Variants in MECOM observed in about 807,000 individuals in gnomAD.
The protein encoded by MECOM is histone-lysine N-methyltransferase MECOM.
In MECOM, 13 loss-of-function variants were observed where a neutral mutation model predicts 116.3. That is an observed-to-expected ratio of 0.11 (90% CI 0.07 to 0.18). The LOEUF is 0.18. Among genes scored for constraint, MECOM ranks in the 10% least tolerant of loss-of-function variants. The probability of loss-of-function intolerance (pLI) is 1.00; values close to 1 mark genes in which losing one functional copy is unlikely to be tolerated. For missense variants in MECOM, 1,299 were observed against 1,509.0 expected, an observed-to-expected ratio of 0.86 and a Z score of 2.31; for synonymous variants, 528 against 535.2, an observed-to-expected ratio of 0.99 and a Z score of 0.19.
intron 1 of MECOM, among the ~76,000 whole-genome samples, chr3:169,491,921 T>A (rs1196658893): frequency 1.3e-5 from 2 of 152,220 alleles, no homozygotes. Context: ...TATAATTTCA[T>A]CTATTTTTGC....
chr3:169,281,239 A>G (rs778452815), intron 2 of MECOM, among the ~76,000 whole-genome samples: 1 of 152,192 alleles, frequency 6.6e-6, no homozygotes, highest in Non-Finnish European at 1.5e-5. Context: ...GGTAAATCAC[A>G]TTCACATTGC....
intron 2 of MECOM, among the ~76,000 whole-genome samples, chr3:169,300,575 A>G (rs769024686): frequency 9.9e-5 from 15 of 152,210 alleles, no homozygotes; most frequent in East Asian, 1.9e-4. Flanking sequence ...AAGTCTAATC[A>G]TGGTAGCACA....
chr3:169,643,327 T>G (rs1300727127), intron 1 of MECOM, among the ~76,000 whole-genome samples: 1 of 152,208 alleles, frequency 6.6e-6, no homozygotes, highest in Non-Finnish European at 1.5e-5. Context: ...TGGAAATATG[T>G]GAACCCCCAA....
chr3:169,155,213 G>A (rs1021577807), intron 2 of MECOM, among the ~76,000 whole-genome samples: 2 of 152,170 alleles, frequency 1.3e-5, no homozygotes, highest in African/African-American at 4.8e-5. Flanking sequence ...GGAATCAGTT[G>A]ATGCAGTGAT....
intron 6 of MECOM, among the ~76,000 whole-genome samples, chr3:169,122,129 G>A (rs1248539798): frequency 2.0e-5 from 3 of 152,158 alleles, no homozygotes; most frequent in Non-Finnish European, 4.4e-5. Context: ...ATAATTTATG[G>A]TGAGCCCTTG....
chr3:169,423,827 GT>G (rs1740186163), intron 1 of MECOM, among the ~76,000 whole-genome samples: 1 of 152,064 alleles, frequency 6.6e-6, no homozygotes, highest in Non-Finnish European at 1.5e-5. Flanking sequence ...TGCCTCCGAA[GT>G]TTTGAATACT....
chr3:169,654,939 C>T (rs751737386), intron 1 of MECOM, among the ~76,000 whole-genome samples: 3 of 152,132 alleles, frequency 2.0e-5, no homozygotes, highest in Non-Finnish European at 4.4e-5. Context: ...AACTTTGAAG[C>T]ACCCTTGGAA....
chr3:169,256,216 T>A (rs1380001049), intron 2 of MECOM, among the ~76,000 whole-genome samples: 3 of 152,122 alleles, frequency 2.0e-5, no homozygotes, highest in Non-Finnish European at 4.4e-5. Context: ...ATGACTGGTG[T>A]ATTTACTGGA....
At position 169,663,412 on chromosome 3, in the gene MECOM, CT is replaced by C; in HGVS notation, c.-41del. ...TGCAGCCGCTGGTGTGTGGTTGGGG[CT>C]TTTTTTTCTTGGATCCTTTCCTTCT... On this transcript the variant is annotated 5_prime_UTR_variant, in exon 1 of 17. Coordinates refer to ENST00000651503, the MANE Select transcript of MECOM (RefSeq NM_004991.4). The C allele has an allele frequency of 1.3e-6, 2 of 1,588,924 alleles. No individual in the cohort carries two copies. The highest frequency in any genetic ancestry group is 1.8e-5 in the Admixed American group (1 of 56,136).
chr3:169,379,860 C>T (rs1167080838), intron 2 of MECOM, among the ~76,000 whole-genome samples: 1 of 152,144 alleles, frequency 6.6e-6, no homozygotes, highest in Non-Finnish European at 1.5e-5. Context: ...ACGTATTCAA[C>T]TCACATATCA....
At chr3:169,430,350 T>C (rs1010155422) in intron 1 of MECOM, among the ~76,000 whole-genome samples, 1 of 152,146 alleles carries the variant, frequency 6.6e-6, no homozygotes, top group East Asian at 1.9e-4. Context: ...TCTAGATGAT[T>C]TGAATTATAC....
chr3:169,619,074 C>G (rs1349919762), intron 1 of MECOM, among the ~76,000 whole-genome samples: 1 of 151,668 alleles, frequency 6.6e-6, no homozygotes, highest in Non-Finnish European at 1.5e-5. Flanking sequence ...AAAAACCAAA[C>G]CAGATTGAAG....
chr3:169,424,820 TCTAA>T (rs1458876745), intron 1 of MECOM, among the ~76,000 whole-genome samples: 1 of 152,172 alleles, frequency 6.6e-6, no homozygotes, highest in East Asian at 1.9e-4. Flanking sequence ...ACATACTAGT[TCTAA>T]CTATCTGATT....
intron 2 of MECOM, among the ~76,000 whole-genome samples, chr3:169,277,462 G>A (rs564145231): frequency 7.2e-5 from 11 of 152,162 alleles, no homozygotes; most frequent in South Asian, 6.2e-4. Context: ...AGCCTAAAAC[G>A]AAAGAATTGT....
chr3:169,381,766 C>T (rs1732428717), intron 1 of MECOM, among the ~76,000 whole-genome samples: 1 of 152,166 alleles, frequency 6.6e-6, no homozygotes, highest in Non-Finnish European at 1.5e-5. Context: ...TCAATACTTG[C>T]ATGGGCTAGT....
chr3:169,141,225 C>T (rs1738011978), intron 3 of MECOM, among the ~76,000 whole-genome samples: 1 of 151,848 alleles, frequency 6.6e-6, no homozygotes, highest in Non-Finnish European at 1.5e-5. Context: ...TTTTAGAGTC[C>T]AGGATTTATA....
chr3:169,109,293 C>G (rs1455075948), intron 9 of MECOM, among the ~76,000 whole-genome samples: 1 of 152,192 alleles, frequency 6.6e-6, no homozygotes, highest in African/African-American at 2.4e-5. Context: ...TAAAAGAAAA[C>G]TAGAAGACTA....
chr3:169,423,690 C>T (rs1319638449), intron 1 of MECOM, among the ~76,000 whole-genome samples: 7 of 151,994 alleles, frequency 4.6e-5, no homozygotes, highest in Admixed American at 2.6e-4. Flanking sequence ...CAGGGATCAC[C>T]AAATATTAAC....
intron 2 of MECOM, chr3:169,145,049 A>G (rs1021999830): frequency 6.5e-7 from 1 of 1,549,972 alleles, no homozygotes; most frequent in African/African-American, 1.4e-5. Flanking sequence ...AAGAAGCCCT[A>G]TGAATAAGCC....
Sources: allele counts gnomAD v4.1 joint callset (sites outside exome capture counted in the v4.1 genomes callset), GRCh38; gene constraint gnomAD v4.1.1; transcripts MANE v1.5; gene names NCBI Gene and HGNC (gene_info 2026-07-23, HGNC 2026-07-21).